PDLIM2: variants seen among roughly 807,000 people sequenced by gnomAD.
PDLIM2 encodes the protein PDZ and LIM domain protein 2.
Under a neutral mutation model 54.1 loss-of-function variants are expected in PDLIM2, and 51 were observed. The observed-to-expected ratio is 0.94, with a 90% confidence interval of 0.75 to 1.19. The LOEUF (loss-of-function observed/expected upper bound fraction) is 1.19, where lower values mean the gene tolerates loss of function less well. Among genes scored for constraint, PDLIM2 ranks in the 50% most tolerant of loss-of-function variants. PDLIM2 has a pLI of 0.00. For missense variants in PDLIM2, 912 were observed against 874.0 expected (o/e 1.04, Z -0.55); for synonymous variants, 398 against 385.6 (o/e 1.03, Z -0.38).
chr8:22,594,675 C>A, downstream of PDLIM2: 1 of 1,597,058 alleles, frequency 6.3e-7, no homozygotes. Flanking sequence ...TGAGGACCGG[C>A]CGCCCACCAA....
intron 2 of PDLIM2, chr8:22,581,013 C>A: frequency 1.5e-6 from 1 of 657,274 alleles, no homozygotes; most frequent in Non-Finnish European, 2.9e-6. Context: ...TCTTGGCAGT[C>A]TCCTCTTGAC....
In PDLIM2 at chr8:22,591,721, G is replaced by A. The variant is rs1800554585; in HGVS notation, c.1631+53G>A. ...GAGCCTTCACAGGGGAGTGGGGAGG[G>A]GGACAGGGCACTGGATGCTTTCAGG... On this transcript the variant is annotated intron_variant, in intron 9 of 9. Coordinates refer to ENST00000308354, the Ensembl canonical transcript of PDLIM2. 7 of 1,502,030 alleles carry A rather than the reference G, an allele frequency of 4.7e-6. No homozygotes were observed. The South Asian group carries it at 7.4e-5, about 16-fold the overall frequency. The allele number at this position is 1,502,030 out of a possible 1,614,324, so 93.0% of individuals were successfully genotyped here. A position where few individuals can be genotyped will look rare whatever the true frequency, so the allele number is the denominator to read the frequency against.
intron 8 of PDLIM2, 37 bp downstream of exon 7, chr8:22,589,778 C>G: frequency 6.4e-7 from 1 of 1,551,298 alleles, no homozygotes; most frequent in Non-Finnish European, 8.7e-7. Flanking sequence ...GAAGGAGGTT[C>G]CCTTCCGTAC....
At chr8:22,580,361 C>A (rs915940087) in intron 1 of PDLIM2, 114 bp from the exon 1 acceptor site, 8 of 988,538 alleles carry the variant, frequency 8.1e-6, no homozygotes, top group Admixed American at 3.2e-5. Flanking sequence ...GGGAGTCGCT[C>A]CCTGGGCTGA....
At chr8:22,580,750 C>T (rs1800169662) in intron 2 of PDLIM2, 53 bp downstream of exon 1, 1 of 1,545,822 alleles carries the variant, frequency 6.5e-7, no homozygotes, top group South Asian at 1.1e-5. Flanking sequence ...GCGAGGTCGG[C>T]CCTGTTCACC....
At position 22,580,039 on chromosome 8, in the gene PDLIM2, G is replaced by A. The variant is rs182679121; in HGVS notation, c.748+512G>A. 3.2e-3 allele frequency: 538 copies of A among 169,020 alleles called. 4 individuals carry two copies. The highest frequency in any genetic ancestry group is 4.8e-3 in the Non-Finnish European group (373 of 77,682). 10.5% of individuals were successfully genotyped at this position (169,020 alleles called of 1,614,324 possible). A position where few individuals can be genotyped will look rare whatever the true frequency, so the allele number is the denominator to read the frequency against. Reference sequence around the variant, plus strand: ...AGCTAGGAGGCCCATGTGAAGACTCGGCCTCACCCCACCAGTCCTTCACCT... The same window carrying A: ...AGCTAGGAGGCCCATGTGAAGACTCAGCCTCACCCCACCAGTCCTTCACCT... On this transcript the variant is annotated intron_variant, in intron 1 of 9. Transcript: ENST00000308354.
At chr8:22,580,334 C>T (rs1166243765) in intron 1 of PDLIM2, 141 bp from the exon 1 acceptor site, 1 of 681,850 alleles carries the variant, frequency 1.5e-6, no homozygotes, top group Non-Finnish European at 2.2e-6. Flanking sequence ...GCCTGGCAGC[C>T]TGGGCAGCCC....
intron 6 of PDLIM2, among the ~76,000 whole-genome samples, chr8:22,586,739 C>T (rs1307400938): frequency 6.6e-6 from 1 of 152,134 alleles, no homozygotes; most frequent in African/African-American, 2.4e-5. Flanking sequence ...TGCTCAAGGG[C>T]AAGCCTTCCC....
At chr8:22,585,478 G>A in intron 6 of PDLIM2, 79 bp downstream of exon 5, 2 of 1,422,410 alleles carry the variant, frequency 1.4e-6, no homozygotes, top group Non-Finnish European at 1.9e-6. Flanking sequence ...CCCCGGGACT[G>A]CAGGCGGCCA....
chr8:22,584,857 C>G, exon 4 of PDLIM2: 1 of 1,614,168 alleles, frequency 6.2e-7, no homozygotes, highest in Non-Finnish European at 8.5e-7. Flanking sequence ...CCAATGGGGA[C>G]AGCTCCTTGG....
chr8:22,581,355 C>T, intron 2 of PDLIM2, 24 bp from the exon 2 acceptor site: 1 of 1,579,390 alleles, frequency 6.3e-7, no homozygotes. Context: ...ACGGTCTGAG[C>T]ATGCCAGCTC....
In PDLIM2 at chr8:22,581,463, A is replaced by C. The variant is rs936847659; in HGVS notation, c.928A>C (p.Met310Leu). ...CATCAACGGGGAAAGCGCGGAGGGC[A>C]TGCTGCATGCCGAGGCCCAGAGCAA... Residue 310 changes from methionine to leucine, a missense_variant, in exon 3 of 10, where the codon ATG becomes CTG. Met to Leu is a conservative substitution (Grantham distance 15). Transcript: ENST00000308354. 45 of 1,607,258 alleles carry C rather than the reference A, an allele frequency of 2.8e-5. No individual in the cohort carries two copies. Among genetic ancestry groups the C allele is most frequent in the Non-Finnish European group, 3.8e-5 (45 of 1,178,350 alleles).
rs569311646 is a variant in PDLIM2, at chr8:22,587,675, C to G, written c.1291-1623C>G. On this transcript the variant is annotated intron_variant, in intron 6 of 9. Transcript: ENST00000308354. ...GCAAGGGTCGCTAACCCCTAACCGC[C>G]TGGGAGGAAAGGAAGGAGAGAAAGA... 2.0e-5 allele frequency: 3 copies of G among 152,348 alleles called. 1 individual carries two copies. The South Asian group carries it at 6.2e-4, about 32-fold the overall frequency. The allele number at this position is 152,348 out of a possible 1,614,324, so 9.4% of individuals were successfully genotyped here.
At chr8:22,584,688 G>T (rs1161281011) in intron 3 of PDLIM2, 133 bp from the exon 3 acceptor site, 5 of 746,596 alleles carry the variant, frequency 6.7e-6, no homozygotes, top group Admixed American at 5.4e-5. Flanking sequence ...GTTAAAAGTT[G>T]ACAACCGGAT....
chr8:22,591,130 G>A (rs1007271081), intron 8 of PDLIM2: 3 of 231,996 alleles, frequency 1.3e-5, no homozygotes, highest in African/African-American at 2.3e-5. Context: ...CAGCTGCCCC[G>A]TAGCCCTGGG....
At chr8:22,597,077 C>T (rs1181496974), downstream of PDLIM2, 7 of 152,266 alleles carry the variant, frequency 4.6e-5, no homozygotes, top group Non-Finnish European at 1.0e-4. Flanking sequence ...CTTTGTGCTT[C>T]CTCCCACGGG....
intron 3 of PDLIM2, among the ~76,000 whole-genome samples, chr8:22,581,755 C>T (rs185585313): frequency 7.2e-5 from 11 of 152,344 alleles, no homozygotes; most frequent in Admixed American, 6.5e-4. Context: ...CCAGGCTGGG[C>T]GTGCAGTCAC....
At chr8:22,594,267 C>G in exon 10 of PDLIM2, 1 of 1,394,868 alleles carries the variant, frequency 7.2e-7, no homozygotes, top group Non-Finnish European at 9.3e-7. Context: ...GACATACTAG[C>G]TCTATAAATA....
Position 22,591,622 on chromosome 8 carries a change from AC to A in PDLIM2, c.1589del (p.Pro530LeufsTer39), listed in dbSNP as rs770968993. On this transcript the variant is annotated frameshift_variant, in exon 9 of 10. Transcript: ENST00000308354. LOFTEE classifies it high-confidence loss of function. Reference sequence around the variant, plus strand: ...CCTGCCCGCCTCCAGGGCCCTGGCCACCCCTCCCAAGCTCCACACTTGTGAG... The same window carrying A: ...CCTGCCCGCCTCCAGGGCCCTGGCCACCCTCCCAAGCTCCACACTTGTGAG... The A allele has an allele frequency of 1.1e-5, 18 of 1,612,774 alleles. No individual in the cohort carries two copies. Among genetic ancestry groups the A allele is most frequent in the Non-Finnish European group, 1.5e-5 (18 of 1,179,828 alleles).
Sources: gnomAD v4.1 joint callset for allele counts (sites outside exome capture counted in the v4.1 genomes callset) on GRCh38, gnomAD v4.1.1 for gene constraint, MANE v1.5 for transcripts, NCBI Gene and HGNC (gene_info 2026-07-23, HGNC 2026-07-21) for gene names.